CATSPERE: variants seen among roughly 807,000 people sequenced by gnomAD.
CATSPERE encodes catsper channel auxiliary subunit epsilon, also known as cation channel sperm-associated auxiliary subunit epsilon.
A neutral mutation model predicts 114.1 loss-of-function variants in CATSPERE; 93 were observed. The observed-to-expected ratio is 0.81, with a 90% CI of 0.69 to 0.97. The LOEUF (loss-of-function observed/expected upper bound fraction) is 0.97. Among genes scored for constraint, CATSPERE ranks in the 50% least tolerant of loss-of-function variants. CATSPERE has a pLI of 0.00. For synonymous variants in CATSPERE, 341 were observed against 384.1 expected (o/e 0.89, Z 1.31); for missense variants, 1,058 against 1,131.6 (o/e 0.93, Z 0.93).
upstream of CATSPERE, among the ~76,000 whole-genome samples, chr1:244,460,882 C>T (rs1047478748): frequency 6.6e-6 from 1 of 152,246 alleles, no homozygotes; most frequent in Non-Finnish European, 1.5e-5. Context: ...CGCGCCACTG[C>T]ACTCCAGCCT....
chr1:244,588,466 A>G lies in CATSPERE; in HGVS notation c.2086-16A>G. ...TCAGAACTGCTGAACTCACTACCTA[A>G]GTTACTTCATTTTAGGTGTTCCAAA... On this transcript the variant is annotated splice_polypyrimidine_tract_variant and intron_variant, in intron 13 of 21. Transcript: ENST00000366534. 6.2e-7 allele frequency: 1 copy of G among 1,600,852 alleles called. No homozygotes were observed. Among genetic ancestry groups the G allele is most frequent in the Non-Finnish European group, 8.6e-7 (1 of 1,168,030 alleles).
At chr1:244,492,896 A>T (rs2148240949) in intron 6 of CATSPERE, among the ~76,000 whole-genome samples, 1 of 149,894 alleles carries the variant, frequency 6.7e-6, no homozygotes, top group South Asian at 2.2e-4. Context: ...AAGGGATGTG[A>T]AGGACCTCTT....
intron 7 of CATSPERE, among the ~76,000 whole-genome samples, chr1:244,518,300 C>T (rs2148359120): frequency 6.6e-6 from 1 of 152,298 alleles, no homozygotes; most frequent in African/African-American, 2.4e-5. Context: ...TGGAGATTAA[C>T]ACTAGGGTTA....
chr1:244,529,925 A>C (rs1679322002), intron 8 of CATSPERE, among the ~76,000 whole-genome samples: 1 of 152,056 alleles, frequency 6.6e-6, no homozygotes, highest in South Asian at 2.1e-4. Context: ...ATTCTTCTGC[A>C]TACTGATATA....
intron 18 of CATSPERE, among the ~76,000 whole-genome samples, chr1:244,606,335 A>G (rs1670000322): frequency 6.6e-6 from 1 of 151,352 alleles, no homozygotes; most frequent in Non-Finnish European, 1.5e-5. Flanking sequence ...CAATCAACAC[A>G]TTTCCCCTCC....
intron 2 of CATSPERE, among the ~76,000 whole-genome samples, chr1:244,475,434 A>G (rs1669163106): frequency 6.6e-6 from 1 of 151,022 alleles, no homozygotes; most frequent in African/African-American, 2.4e-5. Flanking sequence ...GGGTTTCACT[A>G]TGTTGGCCAG....
chr1:244,579,266 G>T (rs983160762), intron 11 of CATSPERE, among the ~76,000 whole-genome samples: 4 of 152,042 alleles, frequency 2.6e-5, no homozygotes, highest in Non-Finnish European at 5.9e-5. Flanking sequence ...ATGCAGTTAT[G>T]GTTTATTACT....
At chr1:244,471,707 T>G (rs888560067) in intron 2 of CATSPERE, among the ~76,000 whole-genome samples, 1 of 152,224 alleles carries the variant, frequency 6.6e-6, no homozygotes, top group African/African-American at 2.4e-5. Flanking sequence ...ATGTTGCATA[T>G]ATGAGAACTT....
intron 19 of CATSPERE, among the ~76,000 whole-genome samples, chr1:244,612,271 A>T (rs12075200): frequency 0.03 from 4,572 of 152,224 alleles, 227 homozygotes; most frequent in African/African-American, 0.1. Context: ...TCTTAACTCA[A>T]CAGGGCAATC....
intron 10 of CATSPERE, among the ~76,000 whole-genome samples, chr1:244,569,248 C>T (rs1297774982): frequency 1.3e-5 from 2 of 152,214 alleles, no homozygotes; most frequent in Non-Finnish European, 2.9e-5. Flanking sequence ...TGCTTCAGCT[C>T]GTCTTCCGTG....
intron 9 of CATSPERE, among the ~76,000 whole-genome samples, chr1:244,557,032 A>G (rs1661693431): frequency 6.6e-6 from 1 of 152,108 alleles, no homozygotes; most frequent in African/African-American, 2.4e-5. Context: ...AGTTGGCTAT[A>G]TATGCATGGG....
chr1:244,451,483 T>C (rs906690730), upstream of CATSPERE: 4 of 839,238 alleles, frequency 4.8e-6, no homozygotes, highest in Non-Finnish European at 3.5e-6. The surrounding 1 kb of genome is among the most constrained non-coding windows in gnomAD (Gnocchi z 6.6). Flanking sequence ...TTTCTCCACG[T>C]AGCCGCAGCT....
intron 8 of CATSPERE, among the ~76,000 whole-genome samples, chr1:244,536,790 T>C (rs1291203571): frequency 6.6e-6 from 1 of 152,228 alleles, no homozygotes; most frequent in Non-Finnish European, 1.5e-5. Context: ...TTAAATTTCA[T>C]GTTCCTATGG....
intron 6 of CATSPERE, among the ~76,000 whole-genome samples, chr1:244,492,396 C>G (rs562192966): frequency 1.7e-4 from 26 of 150,448 alleles, no homozygotes; most frequent in Middle Eastern, 3.5e-3. Flanking sequence ...ATTCAACAAC[C>G]CTTCATGCTA....
rs1325143066 is a variant in CATSPERE, at chr1:244,551,597, T to G, written c.537-725T>G. ...GAGAGGTGGAGAGAAGATGTATAAG[T>G]AGGCATGGTACATGAGAGATACATC... On this transcript the variant is annotated intron_variant, in intron 8 of 21. Coordinates refer to ENST00000366534, the MANE Select transcript of CATSPERE (RefSeq NM_001130957.2). Among the ~76,000 whole-genome samples the G allele has an allele frequency of 2.0e-5, 3 of 152,222 alleles. No homozygotes were observed. In the East Asian group the frequency reaches 5.8e-4, roughly 29 times the overall value.
intron 8 of CATSPERE, among the ~76,000 whole-genome samples, chr1:244,539,125 G>A (rs926237774): frequency 2.6e-5 from 4 of 152,296 alleles, no homozygotes; most frequent in African/African-American, 9.6e-5. Context: ...CAGAAGTAGA[G>A]CAGTGTTTTG....
chr1:244,536,935 G>GT (rs36070112), intron 8 of CATSPERE, among the ~76,000 whole-genome samples: 1 of 150,738 alleles, frequency 6.6e-6, no homozygotes, highest in African/African-American at 2.4e-5. Flanking sequence ...AGTTCCAGGA[G>GT]TTTTTTTTTT....
At chr1:244,505,125 C>T (rs1011628700) in intron 7 of CATSPERE, among the ~76,000 whole-genome samples, 1 of 152,186 alleles carries the variant, frequency 6.6e-6, no homozygotes, top group African/African-American at 2.4e-5. Flanking sequence ...GACATTCTCT[C>T]ATCATCGTGG....
At chr1:244,479,614 C>A (rs924992653) in intron 4 of CATSPERE, 103 bp from the exon 5 acceptor site, 1 of 546,260 alleles carries the variant, frequency 1.8e-6, no homozygotes, top group Non-Finnish European at 3.3e-6. Flanking sequence ...TTCCTCTGAT[C>A]GTGGATAAGT....
Sources: allele counts gnomAD v4.1 joint callset (sites outside exome capture counted in the v4.1 genomes callset), GRCh38; gene constraint gnomAD v4.1.1; non-coding constraint Gnocchi (gnomAD v3.1); transcripts MANE v1.5; gene names NCBI Gene and HGNC (gene_info 2026-07-23, HGNC 2026-07-21).